The following PTGER3 variants were observed in gnomAD, a reference collection of about 807,000 sequenced individuals.
PTGER3 encodes prostaglandin E receptor 3, also known as prostaglandin E2 receptor EP3 subtype.
PTGER3 carries 22 observed loss-of-function variants against 34.7 expected under a neutral mutation model. That is an observed-to-expected ratio of 0.63 (90% CI 0.45 to 0.91). The LOEUF (loss-of-function observed/expected upper bound fraction) is 0.91, where lower values mean the gene tolerates loss of function less well. Ranked by LOEUF, PTGER3 falls within the 40% of genes least tolerant of loss-of-function variation. The pLI, the probability that PTGER3 is intolerant of heterozygous loss-of-function variation, is 0.00. For missense variants in PTGER3, 468 were observed against 519.4 expected, an observed-to-expected ratio of 0.90 and a Z score of 0.96; for synonymous variants, 241 against 230.1, an observed-to-expected ratio of 1.05 and a Z score of -0.43.
At chr1:70,874,157 G>A (rs545189922) in intron 4 of PTGER3, among the ~76,000 whole-genome samples, 65 of 152,180 alleles carry the variant, frequency 4.3e-4, no homozygotes, top group Non-Finnish European at 7.2e-4. Context: ...ATGGAATTTG[G>A]GGAAGAAGGT....
intron 4 of PTGER3, among the ~76,000 whole-genome samples, chr1:70,945,082 G>A (rs1650102119): frequency 6.6e-6 from 1 of 152,074 alleles, no homozygotes; most frequent in Admixed American, 6.6e-5. Context: ...TAGTGGCTGA[G>A]GAACTATTCG....
chr1:70,882,682 G>T (rs987291283), intron 4 of PTGER3, among the ~76,000 whole-genome samples: 6 of 152,166 alleles, frequency 3.9e-5, no homozygotes, highest in Non-Finnish European at 5.9e-5. Context: ...AGCGTGGGGG[G>T]CCAGAGGGAT....
intron 1 of PTGER3, among the ~76,000 whole-genome samples, chr1:71,017,545 G>T (rs886764471): frequency 6.6e-6 from 1 of 152,046 alleles, no homozygotes; most frequent in African/African-American, 2.4e-5. Context: ...TTGGAGAAGG[G>T]GCTTGGTGGG....
exon 5 of PTGER3, chr1:70,852,575 A>G (rs983196097): frequency 1.0e-5 from 5 of 497,038 alleles, no homozygotes; most frequent in Admixed American, 7.9e-5. Context: ...CAAATTTTAC[A>G]TATGATAATG....
At chr1:70,867,460 C>A (rs1021733382) in intron 4 of PTGER3, among the ~76,000 whole-genome samples, 32 of 152,162 alleles carry the variant, frequency 2.1e-4, no homozygotes, top group Admixed American at 1.8e-3. Context: ...GTGGCTCACA[C>A]CTGTAATCCC....
At chr1:70,992,374 G>A (rs546161067) in intron 2 of PTGER3, among the ~76,000 whole-genome samples, 50 of 152,282 alleles carry the variant, frequency 3.3e-4, no homozygotes, top group African/African-American at 1.1e-3. Flanking sequence ...GAAGCAGAGC[G>A]ATTTCTTTAA....
chr1:70,965,208 G>T (rs1199236568), intron 2 of PTGER3, among the ~76,000 whole-genome samples: 1 of 152,128 alleles, frequency 6.6e-6, no homozygotes, highest in Non-Finnish European at 1.5e-5. Context: ...AAGCTCTGTG[G>T]ACTAAGTTTA....
chr1:71,047,776 G>A lies in PTGER3; in HGVS notation c.-199C>T, dbSNP rs1661004894. The A allele has an allele frequency of 9.1e-6, 4 of 441,510 alleles. No individual in the cohort carries two copies. The highest frequency in any genetic ancestry group is 1.1e-5 in the Non-Finnish European group (3 of 275,682). The allele number at this position is 441,510 out of a possible 1,614,324, so 27.3% of individuals were successfully genotyped here. On this transcript the variant is annotated 5_prime_UTR_variant, in exon 1 of 4. Transcript: ENST00000306666. ...CGCCAGGGCTCACTGGCCCGGGAGG[G>A]AGCCACGCCTTCCTCTCTGGGAAAC...
At chr1:71,000,926 G>A (rs1311759014) in intron 2 of PTGER3, among the ~76,000 whole-genome samples, 3 of 152,122 alleles carry the variant, frequency 2.0e-5, no homozygotes, top group African/African-American at 2.4e-5. Flanking sequence ...AATGGGTGAG[G>A]AGAGAGCTAA....
At chr1:70,872,616 C>T (rs1175710191) in intron 4 of PTGER3, among the ~76,000 whole-genome samples, 1 of 152,138 alleles carries the variant, frequency 6.6e-6, no homozygotes, top group African/African-American at 2.4e-5. Context: ...TAAGTCAGAC[C>T]TCATTCTATT....
At chr1:70,870,180 G>T (rs1043856465) in intron 4 of PTGER3, among the ~76,000 whole-genome samples, 3 of 152,158 alleles carry the variant, frequency 2.0e-5, no homozygotes, top group African/African-American at 7.2e-5. Flanking sequence ...AACACTTATG[G>T]CTTGCACCCT....
chr1:70,928,895 A>ACT (rs772089674), intron 4 of PTGER3, among the ~76,000 whole-genome samples: 1 of 144,266 alleles, frequency 6.9e-6, no homozygotes, highest in Non-Finnish European at 1.5e-5. Flanking sequence ...ACACACACAC[A>ACT]CTATATATAT....
At chr1:70,889,086 T>C (rs76539394) in intron 4 of PTGER3, among the ~76,000 whole-genome samples, 7,416 of 152,198 alleles carry the variant, frequency 0.049, 425 homozygotes, top group East Asian at 0.22. Context: ...TATGCTAACT[T>C]GCTCTTTAGC....
chr1:70,928,097 TAAC>T (rs1364905520), intron 4 of PTGER3, among the ~76,000 whole-genome samples: 2 of 149,064 alleles, frequency 1.3e-5, no homozygotes, highest in African/African-American at 2.4e-5. Flanking sequence ...ACATTTCTGT[TAAC>T]AATGAAGAAA....
At chr1:70,885,281 C>A (rs1646473319) in intron 4 of PTGER3, among the ~76,000 whole-genome samples, 1 of 152,030 alleles carries the variant, frequency 6.6e-6, no homozygotes, top group African/African-American at 2.4e-5. Context: ...CTCACTCCAT[C>A]CATAAAAAAT....
chr1:71,008,701 AT>A, intron 2 of PTGER3: 1 of 982,452 alleles, frequency 1.0e-6, no homozygotes, highest in Non-Finnish European at 1.2e-6. Flanking sequence ...AATTCTGCAC[AT>A]TTTTTAGACC....
At chr1:70,904,081 G>A (rs1207459233) in intron 4 of PTGER3, among the ~76,000 whole-genome samples, 1 of 124,786 alleles carries the variant, frequency 8.0e-6, no homozygotes, top group African/African-American at 2.7e-5. Flanking sequence ...AGTCTCATGA[G>A]ATCTGATGGT....
chr1:70,860,145 C>G (rs1474113536), intron 4 of PTGER3, among the ~76,000 whole-genome samples: 2 of 151,778 alleles, frequency 1.3e-5, no homozygotes, highest in Admixed American at 6.6e-5. Flanking sequence ...GTGATTGTCC[C>G]AAACTGACAA....
rs147107393 is a variant in PTGER3, at chr1:70,870,147, C to A, written c.*24-17288G>T. Among the ~76,000 whole-genome samples, 17 of 152,296 alleles carry A rather than the reference C, an allele frequency of 1.1e-4. No individual in the cohort carries two copies. In the East Asian group the frequency reaches 2.9e-3, roughly 26 times the overall value. ...CTCTTGCACTCTGTATACCTGCAGG[C>A]TTAACACCATGTGGAAGCCACCAAC... On this transcript the variant is annotated intron_variant, in intron 4 of 4. Coordinates refer to the PTGER3 transcript ENST00000370931.
Sources: allele counts gnomAD v4.1 joint callset (sites outside exome capture counted in the v4.1 genomes callset), GRCh38; gene constraint gnomAD v4.1.1; transcripts MANE v1.5; gene names NCBI Gene and HGNC (gene_info 2026-07-23, HGNC 2026-07-21).